Variants in TYW1 observed in about 807,000 individuals in gnomAD.
The protein encoded by TYW1 is S-adenosyl-L-methionine-dependent tRNA 4-demethylwyosine synthase TYW1.
TYW1 carries 46 observed loss-of-function variants against 96.2 expected under a neutral mutation model. That is an observed-to-expected ratio of 0.48 (90% confidence interval 0.38 to 0.61). The LOEUF (loss-of-function observed/expected upper bound fraction) is 0.61. TYW1 is among the 20% of genes least tolerant of loss of function. TYW1 has a pLI of 0.00. For synonymous variants in TYW1, 274 were observed against 323.0 expected (o/e 0.85, Z 1.63); for missense variants, 684 against 909.6 (o/e 0.75, Z 3.19).
At chr7:67,237,397 G>A (rs1584730300) in intron 15 of TYW1, among the ~76,000 whole-genome samples, 1 of 151,952 alleles carries the variant, frequency 6.6e-6, no homozygotes, top group South Asian at 2.1e-4. Context: ...CTACTCGGGA[G>A]GCTGAGGCAG....
At chr7:67,067,043 G>A in intron 9 of TYW1, 3 of 514,822 alleles carry the variant, frequency 5.8e-6, no homozygotes, top group East Asian at 3.4e-5. Context: ...AGCATTAGTG[G>A]TTCTCCCTGT....
intron 4 of TYW1, 39 bp from the exon 5 acceptor site, chr7:67,014,328 C>A (rs768349884): frequency 1.3e-6 from 2 of 1,549,004 alleles, no homozygotes; most frequent in Admixed American, 4.0e-5. Context: ...ATAATTTATG[C>A]CTTGTATGTT....
chr7:66,997,052 G>A (rs1386199431), intron 1 of TYW1, 70 bp downstream of exon 1: 30 of 1,604,796 alleles, frequency 1.9e-5, no homozygotes, highest in Non-Finnish European at 2.6e-5. Context: ...GACCCTCTCC[G>A]GGCGGAGTGG....
intron 13 of TYW1, among the ~76,000 whole-genome samples, chr7:67,137,066 G>A (rs572810280): frequency 7.3e-6 from 1 of 136,234 alleles, no homozygotes; most frequent in Admixed American, 7.2e-5. Flanking sequence ...ACCCACCCTG[G>A]CCTCCCAAAG....
At chr7:67,077,593 G>GT (rs751510732) in intron 10 of TYW1, among the ~76,000 whole-genome samples, 4 of 152,030 alleles carry the variant, frequency 2.6e-5, no homozygotes, top group Admixed American at 6.6e-5. Context: ...TTATTTGTGG[G>GT]TTTTTTTGCT....
chr7:67,166,358 A>G (rs1360852482), intron 13 of TYW1, among the ~76,000 whole-genome samples: 6 of 139,706 alleles, frequency 4.3e-5, no homozygotes, highest in African/African-American at 1.3e-4. Flanking sequence ...AATTATATAT[A>G]ATACATATAT....
At chr7:67,139,274 AC>A (rs1459630032) in intron 13 of TYW1, among the ~76,000 whole-genome samples, 1 of 151,960 alleles carries the variant, frequency 6.6e-6, no homozygotes, top group Non-Finnish European at 1.5e-5. Flanking sequence ...CTGGTCTCCA[AC>A]TCCTGACCTC....
At chr7:67,129,346 G>A (rs1008772327) in intron 13 of TYW1, among the ~76,000 whole-genome samples, 13 of 152,222 alleles carry the variant, frequency 8.5e-5, no homozygotes, top group Admixed American at 8.5e-4. Context: ...CAGAGCTCCA[G>A]TAGGTAAAAC....
chr7:67,131,929 C>A (rs1323307987), intron 13 of TYW1, among the ~76,000 whole-genome samples: 2 of 152,186 alleles, frequency 1.3e-5, no homozygotes, highest in Non-Finnish European at 2.9e-5. Flanking sequence ...TCTAGTTTTT[C>A]CACGTTCTTC....
chr7:67,192,319 A>G (rs1800244963), intron 14 of TYW1, among the ~76,000 whole-genome samples: 1 of 152,228 alleles, frequency 6.6e-6, no homozygotes, highest in Admixed American at 6.5e-5. Flanking sequence ...CTCTCATTCC[A>G]TTCCCAAACT....
At chr7:67,066,790 G>A (rs1795880376) in intron 9 of TYW1, among the ~76,000 whole-genome samples, 1 of 152,202 alleles carries the variant, frequency 6.6e-6, no homozygotes, top group African/African-American at 2.4e-5. Flanking sequence ...GGAGGTTGCA[G>A]TGAGCTATGA....
Position 67,117,547 on chromosome 7 carries a change from A to G in TYW1, c.1627A>G (p.Lys543Glu), listed in dbSNP as rs1323580900. 1 of 1,613,964 alleles carries G rather than the reference A, an allele frequency of 6.2e-7. No homozygotes were observed. Among genetic ancestry groups the G allele is most frequent in the Non-Finnish European group, 8.5e-7 (1 of 1,179,974 alleles). Reference protein sequence around the residue: ...VDASTKDSLKKIDRPLFKDFW... With the variant: ...VDASTKDSLKEIDRPLFKDFW... ...TGCCAGTACCAAAGACAGCCTGAAGAAAATCGACCGCCCACTCTTCAAGGA... is the reference window on the plus strand; with the variant it reads ...TGCCAGTACCAAAGACAGCCTGAAGGAAATCGACCGCCCACTCTTCAAGGA... Residue 543 changes from lysine (K) to glutamate (E), a missense_variant, in exon 13 of 16, where the codon AAA (lysine) becomes GAA (glutamate). By Grantham distance (56) the Lys-to-Glu change is moderately conservative. Coordinates refer to ENST00000359626, the MANE Select transcript of TYW1 (RefSeq NM_018264.4).
chr7:67,057,945 C>T lies in TYW1; in HGVS notation c.1155+2058C>T, dbSNP rs115807037. 9.3e-3 allele frequency among the ~76,000 whole-genome samples: 1,419 copies of T among 152,210 alleles called. 24 individuals carry two copies. Among genetic ancestry groups the T allele is most frequent in the African/African-American group, 0.032 (1,339 of 41,528 alleles). ...GGTTAGTGTTTTTTGTATTTTAAGACATTTCTGCCAACCACAAGGTCACAA... is the reference window on the plus strand; with the variant it reads ...GGTTAGTGTTTTTTGTATTTTAAGATATTTCTGCCAACCACAAGGTCACAA... On this transcript the variant is annotated intron_variant, in intron 9 of 15. Transcript: ENST00000359626.
chr7:67,161,744 C>A (rs1341138633), intron 13 of TYW1, among the ~76,000 whole-genome samples: 4 of 152,088 alleles, frequency 2.6e-5, no homozygotes, highest in Non-Finnish European at 4.4e-5. Flanking sequence ...TAATTTTTGG[C>A]ATCCTAATGT....
chr7:67,095,274 C>T lies in TYW1; in HGVS notation c.1385-3267C>T, dbSNP rs184847401. 1.3e-3 allele frequency among the ~76,000 whole-genome samples: 198 copies of T among 152,194 alleles called. 1 individual carries two copies. The highest frequency in any genetic ancestry group is 4.7e-3 in the African/African-American group (194 of 41,544). On this transcript the variant is annotated intron_variant, in intron 11 of 15. Coordinates refer to ENST00000359626, the MANE Select transcript of TYW1 (RefSeq NM_018264.4). ...TCGGCCTCACTAAGTGCTGGGATTA[C>T]AGGCATGAGCTGCCGTGCCCAACCG...
chr7:67,007,898 G>T (rs1238181906), intron 3 of TYW1, among the ~76,000 whole-genome samples: 1 of 152,156 alleles, frequency 6.6e-6, no homozygotes, highest in Admixed American at 6.5e-5. Flanking sequence ...GCTTCCCAAA[G>T]TGTTGGGATT....
At chr7:67,053,078 A>C (rs1382727554) in intron 8 of TYW1, among the ~76,000 whole-genome samples, 2 of 122,360 alleles carry the variant, frequency 1.6e-5, no homozygotes, top group East Asian at 4.6e-4. Flanking sequence ...AAACAGTTTT[A>C]AGCTTTTTTT....
rs576200405 is a variant in TYW1 at position 67,053,231 on chromosome 7, ATT to A, written c.1103-2602_1103-2601del. Among the ~76,000 whole-genome samples, 140 of 151,936 alleles carry A rather than the reference ATT, an allele frequency of 9.2e-4. No homozygotes were observed. The South Asian group carries it at 0.013, about 14-fold the overall frequency. ...TTCACTGTTGAGGCAAAACACTTCT[ATT>A]TGTAGTCTACCTAATGACTTGTGCA... On this transcript the variant is annotated intron_variant, in intron 8 of 15. Transcript: ENST00000359626.
rs372424325 is a variant in TYW1, at chr7:67,223,587, G to T, written c.1978-14721G>T. 2.0e-5 allele frequency among the ~76,000 whole-genome samples: 3 copies of T among 151,096 alleles called. No homozygotes were observed. The East Asian group carries it at 5.8e-4, about 29-fold the overall frequency. On this transcript the variant is annotated intron_variant, in intron 15 of 15. Transcript: ENST00000359626. Reference sequence around the variant, plus strand: ...AAGCACTGGCCCTTGAAGTCCCCAGGGAGTCACTTAAGCTAGACAGGGAGG... The same window carrying T: ...AAGCACTGGCCCTTGAAGTCCCCAGTGAGTCACTTAAGCTAGACAGGGAGG...
Sources: allele counts gnomAD v4.1 joint callset (sites outside exome capture counted in the v4.1 genomes callset), GRCh38; gene constraint gnomAD v4.1.1; transcripts MANE v1.5; gene names NCBI Gene and HGNC (gene_info 2026-07-23, HGNC 2026-07-21).